YY1: variants seen among roughly 807,000 people sequenced by gnomAD.
The protein encoded by YY1 is transcriptional repressor protein YY1.
YY1 carries 2 observed loss-of-function variants against 35.6 expected under a neutral mutation model. The observed-to-expected ratio is 0.06, with a 90% CI of 0.02 to 0.18. The LOEUF is 0.18. YY1 is among the 10% of genes least tolerant of loss of function. The pLI is 1.00. For synonymous variants in YY1, 268 were observed against 238.9 expected, an observed-to-expected ratio of 1.12 and a Z score of -1.12; for missense variants, 322 against 573.4, an observed-to-expected ratio of 0.56 and a Z score of 4.48.
At chr14:100,248,779 C>T (rs1308977333) in intron 1 of YY1, among the ~76,000 whole-genome samples, 2 of 151,208 alleles carry the variant, frequency 1.3e-5, no homozygotes, top group East Asian at 3.9e-4. Context: ...GCTCTGCCTC[C>T]CGGGTTCACA....
In YY1 at chr14:100,277,271, G is replaced by T; in HGVS notation, c.1063-147G>T. ...TTGTCCAACCTGCCTGCTGATTCTA[G>T]ACTATATCCACAAAGTTCACCCAGG... is the stretch of plus-strand genomic sequence containing the variant. On this transcript the variant is annotated intron_variant, in intron 4 of 4. Transcript: ENST00000262238. The surrounding 1 kb of genome is among the most constrained non-coding windows in gnomAD (Gnocchi z 5.6). 1 of 1,026,148 alleles carries T rather than the reference G, an allele frequency of 9.7e-7. No homozygotes were observed. Among genetic ancestry groups the T allele is most frequent in the Non-Finnish European group, 1.5e-6 (1 of 677,750 alleles). The allele number at this position is 1,026,148 out of a possible 1,614,324, so 63.6% of individuals were successfully genotyped here.
At chr14:100,246,372 G>C (rs1372241467) in intron 1 of YY1, among the ~76,000 whole-genome samples, 1 of 152,184 alleles carries the variant, frequency 6.6e-6, no homozygotes, top group Non-Finnish European at 1.5e-5. Context: ...CAGCTGAGTG[G>C]CACCTCCTTC....
intron 1 of YY1, among the ~76,000 whole-genome samples, chr14:100,256,053 C>G (rs1003080383): frequency 2.0e-5 from 3 of 151,860 alleles, no homozygotes; most frequent in Admixed American, 2.0e-4. Context: ...AGGAGGGTCA[C>G]TTGAGTCCAG....
intron 1 of YY1, among the ~76,000 whole-genome samples, chr14:100,247,176 G>T (rs866334969): frequency 6.6e-6 from 1 of 152,126 alleles, no homozygotes; most frequent in African/African-American, 2.4e-5. Context: ...TTTCTATTTT[G>T]TTTTTGAAAC....
At chr14:100,242,032 T>G (rs980434646) in intron 1 of YY1, among the ~76,000 whole-genome samples, 3 of 150,322 alleles carry the variant, frequency 2.0e-5, no homozygotes, top group African/African-American at 4.9e-5. Flanking sequence ...GATGGGGGTT[T>G]TAGTTATTGA....
At chr14:100,261,000 T>C (rs984787639) in intron 1 of YY1, among the ~76,000 whole-genome samples, 2 of 151,010 alleles carry the variant, frequency 1.3e-5, no homozygotes, top group Non-Finnish European at 3.0e-5. Context: ...CTCCCTTTAT[T>C]GCCCAGGCTG....
chr14:100,277,748 G>T lies in YY1; in HGVS notation c.*148G>T. 7 of 863,854 alleles carry T rather than the reference G, an allele frequency of 8.1e-6. No individual in the cohort carries two copies. The highest frequency in any genetic ancestry group is 8.8e-6 in the Non-Finnish European group (5 of 570,654). 53.5% of individuals were successfully genotyped at this position (863,854 alleles called of 1,614,324 possible). A position where few individuals can be genotyped will look rare whatever the true frequency, so the allele number is the denominator to read the frequency against. On this transcript the variant is annotated 3_prime_UTR_variant, in exon 5 of 5. Coordinates refer to ENST00000262238, the MANE Select transcript of YY1 (RefSeq NM_003403.5). This position sits in a 1 kb window ranked among gnomAD's most constrained non-coding sequence, Gnocchi z 5.6. ...CTAAGGGACATGTTTTGATAAAGTA[G>T]TAAAAATTAAAAAAAAAAAACTTTA...
rs1021451453 is a variant in YY1, at chr14:100,239,415, C to T, written c.171C>T (p.Gly57=). 6.3e-7 allele frequency: 1 copy of T among 1,595,068 alleles called. No homozygotes were observed. ...ACGACGACGAGGACGGCGGCGGTGG[C>T]GACCACGGCGGCGGGGGCGGCCACG... ...EDDDDEDGGG[G]DHGGGGGHGH... is the part of the protein sequence containing the mutation. Residue 57 remains glycine, a synonymous_variant, in exon 1 of 5, where the codon GGC becomes GGT. Coordinates refer to ENST00000262238, the MANE Select transcript of YY1 (RefSeq NM_003403.5).
In YY1 at chr14:100,262,643, G is replaced by T. The variant is rs116695843; in HGVS notation, c.842+177G>T. Among the ~76,000 whole-genome samples, 799 of 152,286 alleles carry T rather than the reference G, an allele frequency of 5.2e-3. 8 individuals are homozygous for T. Among genetic ancestry groups the T allele is most frequent in the African/African-American group, 0.018 (752 of 41,558 alleles). On this transcript the variant is annotated intron_variant, in intron 2 of 4. Transcript: ENST00000262238. Reference sequence around the variant, plus strand: ...TTTTGTTTCCTTTTTTTGAGATGGAGCCTCGCTCTGTTGCCCAGACTGGAG... The same window carrying T: ...TTTTGTTTCCTTTTTTTGAGATGGATCCTCGCTCTGTTGCCCAGACTGGAG...
At chr14:100,262,278 A>G (rs777859887) in intron 1 of YY1, 26 bp from the exon 2 acceptor site, 2 of 1,612,570 alleles carry the variant, frequency 1.2e-6, no homozygotes, top group Non-Finnish European at 1.7e-6. Flanking sequence ...TTACTCAGCT[A>G]AAGATAATCT....
intron 1 of YY1, among the ~76,000 whole-genome samples, chr14:100,248,714 G>A (rs887184637): frequency 3.9e-5 from 5 of 129,746 alleles, no homozygotes; most frequent in African/African-American, 8.9e-5. Context: ...TTGAAACGGT[G>A]TCTCGCTCTG....
At chr14:100,249,038 C>T (rs971821156) in intron 1 of YY1, among the ~76,000 whole-genome samples, 1 of 144,080 alleles carries the variant, frequency 6.9e-6, no homozygotes. Flanking sequence ...ACAGTGGTTT[C>T]AAATGTGGTT....
chr14:100,273,780 A>C (rs1356735174), intron 2 of YY1, among the ~76,000 whole-genome samples: 1 of 152,138 alleles, frequency 6.6e-6, no homozygotes, highest in Non-Finnish European at 1.5e-5. Context: ...TTTTTTAGGA[A>C]CGCTTAATTT....
chr14:100,276,937 A>G lies in YY1; in HGVS notation c.1062+289A>G, dbSNP rs920486417. ...AGAGCATACCTAAAACTCAATTTCTACTTCATTCATTACAGGATTGAAGTA... is the reference window on the plus strand; with the variant it reads ...AGAGCATACCTAAAACTCAATTTCTGCTTCATTCATTACAGGATTGAAGTA... On this transcript the variant is annotated intron_variant, in intron 4 of 4. Transcript: ENST00000262238. The surrounding 1 kb of genome is among the most constrained non-coding windows in gnomAD (Gnocchi z 4.1). The G allele has an allele frequency of 8.3e-6, 4 of 484,040 alleles. No individual in the cohort carries two copies. Among genetic ancestry groups the G allele is most frequent in the Non-Finnish European group, 1.5e-5 (4 of 266,914 alleles). The allele number at this position is 484,040 out of a possible 1,614,324, so 30.0% of individuals were successfully genotyped here. A position where few individuals can be genotyped will look rare whatever the true frequency, so the allele number is the denominator to read the frequency against.
chr14:100,253,617 C>T (rs1360546441), intron 1 of YY1, among the ~76,000 whole-genome samples: 1 of 152,008 alleles, frequency 6.6e-6, no homozygotes, highest in Non-Finnish European at 1.5e-5. Flanking sequence ...GGAGTTTCAC[C>T]TTAACCTCAG....
intron 2 of YY1, among the ~76,000 whole-genome samples, chr14:100,268,088 T>C (rs114046400): frequency 1.1e-3 from 175 of 152,308 alleles, no homozygotes; most frequent in African/African-American, 3.9e-3. Flanking sequence ...ATAGAACTTG[T>C]CCTGCTGGCC....
intron 2 of YY1, among the ~76,000 whole-genome samples, chr14:100,266,305 TAGA>T (rs1389293811): frequency 2.6e-5 from 4 of 151,774 alleles, no homozygotes; most frequent in Non-Finnish European, 5.9e-5. Flanking sequence ...TTCAGACAAA[TAGA>T]AGGAGACTCA....
At chr14:100,270,159 A>G (rs1179797736) in intron 2 of YY1, among the ~76,000 whole-genome samples, 6 of 146,668 alleles carry the variant, frequency 4.1e-5, no homozygotes, top group African/African-American at 1.3e-4. Flanking sequence ...GCTACTCAGG[A>G]GGCTGAGGCA....
At chr14:100,240,266 G>C (rs901712156) in intron 1 of YY1, among the ~76,000 whole-genome samples, 1 of 136,190 alleles carries the variant, frequency 7.3e-6, no homozygotes, top group Admixed American at 7.2e-5. Context: ...ATCAACGGGC[G>C]CGCCCGCCGG....
Sources: allele counts gnomAD v4.1 joint callset (sites outside exome capture counted in the v4.1 genomes callset), GRCh38; gene constraint gnomAD v4.1.1; non-coding constraint Gnocchi (gnomAD v3.1); transcripts MANE v1.5; gene names NCBI Gene and HGNC (gene_info 2026-07-23, HGNC 2026-07-21).